The following MMP14 variants were observed in gnomAD, a reference collection of about 807,000 sequenced individuals.
The protein encoded by MMP14 is matrix metallopeptidase 14.
In MMP14, 13 loss-of-function variants were observed where a neutral mutation model predicts 64.8. The observed-to-expected ratio is 0.20, with a 90% CI of 0.13 to 0.32. The LOEUF is 0.32. Among genes scored for constraint, MMP14 ranks in the 10% least tolerant of loss-of-function variants. MMP14 has a pLI of 1.00. For missense variants in MMP14, 594 were observed against 783.8 expected (o/e 0.76, Z 2.89); for synonymous variants, 322 against 315.9 (o/e 1.02, Z -0.20).
In MMP14 at chr14:22,843,887, T is replaced by C. The variant is rs778773364; in HGVS notation, c.1011+17T>C. The C allele has an allele frequency of 2.9e-5, 46 of 1,606,270 alleles. No individual in the cohort carries two copies. Among genetic ancestry groups the C allele is most frequent in the Admixed American group, 5.3e-5 (3 of 56,846 alleles). ...GTCTTCAAGGTGAGAAGAAGTGGGCTGGTTTGAAAGACAAAAGGGCCCTAT... is the reference window on the plus strand; with the variant it reads ...GTCTTCAAGGTGAGAAGAAGTGGGCCGGTTTGAAAGACAAAAGGGCCCTAT... On this transcript the variant is annotated intron_variant, in intron 6 of 9. Coordinates refer to ENST00000311852, the MANE Select transcript of MMP14 (RefSeq NM_004995.4). The surrounding 1 kb of genome is among the most constrained non-coding windows in gnomAD (Gnocchi z 4.8).
At position 22,842,001 on chromosome 14, in the gene MMP14, G is replaced by A; in HGVS notation, c.346G>A (p.Gly116Ser). 1 of 1,614,172 alleles carries A rather than the reference G, an allele frequency of 6.2e-7. No homozygotes were observed. The highest frequency in any genetic ancestry group is 8.5e-7 in the Non-Finnish European group (1 of 1,180,042). The change falls in exon 3 of 10, where the codon GGT becomes AGT. Residue 116 changes from glycine to serine, a missense_variant. By Grantham distance (56) the Gly-to-Ser change is moderately conservative. Transcript: ENST00000311852. This position sits in a 1 kb window ranked among gnomAD's most constrained non-coding sequence, Gnocchi z 5.3. ...NVRRKRYAIQGLKWQHNEITF... is the reference protein window; with the variant it reads ...NVRRKRYAIQSLKWQHNEITF... ...TCGAAGGAAGCGCTACGCCATCCAG[G>A]GTCTCAAATGGCAACATAATGAAAT...
At chr14:22,837,226 T>G in intron 1 of MMP14, 27 of 555,882 alleles carry the variant, frequency 4.9e-5, no homozygotes, top group East Asian at 1.7e-4. Context: ...CCTTCCCCGA[T>G]TCCCTTGGGC....
rs1395303821 is a variant in MMP14 at position 22,845,864 on chromosome 14, T to C, written c.1574T>C (p.Ile525Thr). 2 of 1,613,872 alleles carry C rather than the reference T, an allele frequency of 1.2e-6. No individual in the cohort carries two copies. The highest frequency in any genetic ancestry group is 3.3e-5 in the Admixed American group (2 of 59,980). ...DEGTEEETEV[I>T]IIEVDEEGGG... ...GGGACTGAGGAGGAGACGGAGGTGA[T>C]CATCATTGAGGTGGACGAGGAGGGC... The change falls in exon 10 of 10, where the codon ATC (isoleucine) becomes ACC (threonine). Residue 525 changes from isoleucine (I) to threonine (T), a missense_variant. Around this residue, in one of 4 missense-constraint regions of MMP14, gnomAD observed 364 missense variants for 425.2 expected, o/e 0.86. Coordinates refer to ENST00000311852, the MANE Select transcript of MMP14 (RefSeq NM_004995.4).
chr14:22,846,100 G>T lies in MMP14; in HGVS notation c.*61G>T. 1 of 1,406,018 alleles carries T rather than the reference G, an allele frequency of 7.1e-7. No individual in the cohort carries two copies. Among genetic ancestry groups the T allele is most frequent in the Non-Finnish European group, 9.4e-7 (1 of 1,068,116 alleles). 87.1% of individuals were successfully genotyped at this position (1,406,018 alleles called of 1,614,324 possible). ...ACTTTGCCTCTGAAGGCCAGTGGCA[G>T]CAGGTGGTGGTGGGTGGGCTGTTCC... On this transcript the variant is annotated 3_prime_UTR_variant, in exon 10 of 10. Coordinates refer to ENST00000311852, the MANE Select transcript of MMP14 (RefSeq NM_004995.4).
In MMP14 at chr14:22,842,421, A is replaced by G. The variant is rs2039779407; in HGVS notation, c.392A>G (p.Tyr131Cys). The G allele has an allele frequency of 6.2e-7, 1 of 1,610,776 alleles. No homozygotes were observed. The highest frequency in any genetic ancestry group is 8.5e-7 in the Non-Finnish European group (1 of 1,177,884). ...TGGCTGGACCTCAGCATCCAGAATTACACCCCCAAGGTGGGCGAGTATGCC... is the reference window on the plus strand; with the variant it reads ...TGGCTGGACCTCAGCATCCAGAATTGCACCCCCAAGGTGGGCGAGTATGCC... ...HNEITFCIQN[Y>C]TPKVGEYATY... The change falls in exon 4 of 10, where the codon TAC becomes TGC. Residue 131 changes from tyrosine (Y) to cysteine (C), a missense_variant. Physicochemically the swap from Tyr to Cys is radical, Grantham distance 194. Transcript: ENST00000311852. This position sits in a 1 kb window ranked among gnomAD's most constrained non-coding sequence, Gnocchi z 5.3.
Position 22,842,807 on chromosome 14 carries a change from C to A in MMP14, c.688+90C>A. On this transcript the variant is annotated intron_variant, in intron 4 of 9. Transcript: ENST00000311852. This position sits in a 1 kb window ranked among gnomAD's most constrained non-coding sequence, Gnocchi z 5.3. ...CCTCCCTCCTTCCAAAATCTCCGGG[C>A]TAGAAGGGACCACAGAGACCTTCTG... 7.4e-7 allele frequency: 1 copy of A among 1,355,564 alleles called. No homozygotes were observed. The highest frequency in any genetic ancestry group is 1.0e-6 in the Non-Finnish European group (1 of 995,706). The allele number at this position is 1,355,564 out of a possible 1,614,324, so 84.0% of individuals were successfully genotyped here.
intron 1 of MMP14, 82 bp from the exon 2 acceptor site, chr14:22,841,409 T>A: frequency 6.4e-7 from 1 of 1,558,918 alleles, no homozygotes; most frequent in Non-Finnish European, 8.7e-7. Flanking sequence ...AAGCCAAGGC[T>A]GTATGCTGGG....
rs910360601 is a variant in MMP14, at chr14:22,836,628, G to A, written c.-190G>A. 4.9e-5 allele frequency: 24 copies of A among 491,406 alleles called. No homozygotes were observed. The highest frequency in any genetic ancestry group is 4.2e-4 in the African/African-American group (21 of 49,550). 30.4% of individuals were successfully genotyped at this position (491,406 alleles called of 1,614,324 possible). ...TAAGCAGAAGAAAGATCAAAAACCG[G>A]AAAAGAGGAGAAGAGCAAACAGGCA... On this transcript the variant is annotated 5_prime_UTR_variant, in exon 1 of 10. Coordinates refer to ENST00000311852, the MANE Select transcript of MMP14 (RefSeq NM_004995.4).
In MMP14 at chr14:22,841,654, C is replaced by G. The variant is rs367575807; in HGVS notation, c.257+15C>G. Reference sequence around the variant, plus strand: ...GACACCATGAAGTAAGTGCTAGACCCTGGCAGGAGTTCTGCCTAGCATCCA... The same window carrying G: ...GACACCATGAAGTAAGTGCTAGACCGTGGCAGGAGTTCTGCCTAGCATCCA... On this transcript the variant is annotated intron_variant, in intron 2 of 9. Coordinates refer to ENST00000311852, the MANE Select transcript of MMP14 (RefSeq NM_004995.4). 30 of 1,613,480 alleles carry G rather than the reference C, an allele frequency of 1.9e-5. No individual in the cohort carries two copies. Among genetic ancestry groups the G allele is most frequent in the Non-Finnish European group, 2.5e-5 (30 of 1,179,906 alleles).
rs375057712 is a variant in MMP14 at position 22,844,496 on chromosome 14, C to T, written c.1137C>T (p.Phe379=). ...CCTACGAGAGGAAGGATGGCAAATT[C>T]GTCTTCTTCAAAGGTAACCAGGCAC... The part of the protein sequence containing the change: ...NTAYERKDGK[F]VFFKGDKHWV... The change falls in exon 7 of 10, where the codon TTC becomes TTT. Residue 379 remains phenylalanine (F), a synonymous_variant. Transcript: ENST00000311852. 1.7e-5 allele frequency: 27 copies of T among 1,613,994 alleles called. No homozygotes were observed. The highest frequency in any genetic ancestry group is 6.7e-5 in the East Asian group (3 of 44,890).
chr14:22,840,503 G>A (rs1313968401), intron 1 of MMP14, among the ~76,000 whole-genome samples: 1 of 151,384 alleles, frequency 6.6e-6, no homozygotes, highest in African/African-American at 2.4e-5. Context: ...CACTTCCTCT[G>A]TTGAGAATCT....
Position 22,842,983 on chromosome 14 carries a change from A to T in MMP14, c.688+266A>T, listed in dbSNP as rs539849735. Among the ~76,000 whole-genome samples, 17 of 152,254 alleles carry T rather than the reference A, an allele frequency of 1.1e-4. No homozygotes were observed. The highest frequency in any genetic ancestry group is 4.1e-4 in the African/African-American group (17 of 41,540). ...ATGTCATGTCTCGCTCCCGGGAGAA[A>T]CTGGGGACTAGAGAGAGCCTTGGCT... On this transcript the variant is annotated intron_variant, in intron 4 of 9. Transcript: ENST00000311852. The surrounding 1 kb of genome is among the most constrained non-coding windows in gnomAD (Gnocchi z 5.3).
intron 9 of MMP14, 56 bp downstream of exon 9, chr14:22,845,422 G>T: frequency 7.6e-7 from 1 of 1,322,208 alleles, no homozygotes; most frequent in South Asian, 1.3e-5. Context: ...GGGAGTTGAG[G>T]AAGAGCGGGA....
Position 22,842,366 on chromosome 14 carries a change from T to C in MMP14, c.381-44T>C. The C allele has an allele frequency of 6.4e-7, 1 of 1,573,298 alleles. No homozygotes were observed. Among genetic ancestry groups the C allele is most frequent in the South Asian group, 1.2e-5 (1 of 84,122 alleles). ...AGGGAAGGAGAATGTTGCCCCTCTT[T>C]ATCCTAACACACCCCATCCTCTCCC... On this transcript the variant is annotated intron_variant, in intron 3 of 9. Coordinates refer to ENST00000311852, the MANE Select transcript of MMP14 (RefSeq NM_004995.4). This position sits in a 1 kb window ranked among gnomAD's most constrained non-coding sequence, Gnocchi z 5.3.
intron 1 of MMP14, chr14:22,837,564 T>A: frequency 2.8e-6 from 1 of 359,702 alleles, no homozygotes; most frequent in Admixed American, 3.7e-5. Context: ...TGGCCGCGTT[T>A]CCGTACACAC....
intron 1 of MMP14, chr14:22,837,149 G>A (rs1161223843): frequency 2.9e-6 from 2 of 684,556 alleles, no homozygotes; most frequent in East Asian, 5.5e-5. Flanking sequence ...CTGCGCCGCC[G>A]ACTCTCCTTC....
rs973722283 is a variant in MMP14, at chr14:22,836,646, A to G, written c.-172A>G. On this transcript the variant is annotated 5_prime_UTR_variant, in exon 1 of 10. Transcript: ENST00000311852. ...AAAACCGGAAAAGAGGAGAAGAGCA[A>G]ACAGGCACTTTGAGGAACAATCCCC... 5 of 511,250 alleles carry G rather than the reference A, an allele frequency of 9.8e-6. No individual in the cohort carries two copies. Among genetic ancestry groups the G allele is most frequent in the African/African-American group, 6.0e-5 (3 of 49,964 alleles). The allele number at this position is 511,250 out of a possible 1,614,324, so 31.7% of individuals were successfully genotyped here. A position where few individuals can be genotyped will look rare whatever the true frequency, so the allele number is the denominator to read the frequency against.
At position 22,842,835 on chromosome 14, in the gene MMP14, C is replaced by A; in HGVS notation, c.688+118C>A. 9.1e-7 allele frequency: 1 copy of A among 1,101,010 alleles called. No homozygotes were observed. Among genetic ancestry groups the A allele is most frequent in the Non-Finnish European group, 1.3e-6 (1 of 781,762 alleles). The allele number at this position is 1,101,010 out of a possible 1,614,324, so 68.2% of individuals were successfully genotyped here. Reference sequence around the variant, plus strand: ...GAAGGGACCACAGAGACCTTCTGATCTAACTTCTGACAAAAGCAGGAGTCC... The same window carrying A: ...GAAGGGACCACAGAGACCTTCTGATATAACTTCTGACAAAAGCAGGAGTCC... On this transcript the variant is annotated intron_variant, in intron 4 of 9. Transcript: ENST00000311852. This position sits in a 1 kb window ranked among gnomAD's most constrained non-coding sequence, Gnocchi z 5.3.
At position 22,846,285 on chromosome 14, in the gene MMP14, G is replaced by C; in HGVS notation, c.*246G>C. ...GGGAGGGCGGCCCTTTCCAGCCTCT[G>C]CCCCTCAGGGGAACCCTGTAGCTTT... is the stretch of plus-strand genomic sequence containing the variant. On this transcript the variant is annotated 3_prime_UTR_variant, in exon 10 of 10. Coordinates refer to ENST00000311852, the MANE Select transcript of MMP14 (RefSeq NM_004995.4). 2.0e-6 allele frequency: 1 copy of C among 510,736 alleles called. No individual in the cohort carries two copies. 31.6% of individuals were successfully genotyped at this position (510,736 alleles called of 1,614,324 possible).
Sources: gnomAD v4.1 joint callset for allele counts (sites outside exome capture counted in the v4.1 genomes callset) on GRCh38, gnomAD v4.1.1 for gene constraint, gnomAD v4.1.1 regional missense constraint, Gnocchi (gnomAD v3.1) non-coding constraint, MANE v1.5 for transcripts, NCBI Gene and HGNC (gene_info 2026-07-23, HGNC 2026-07-21) for gene names.